Variants in PDHA1 observed in about 807,000 individuals in gnomAD.
The protein encoded by PDHA1 is pyruvate dehydrogenase E1 component subunit alpha, somatic form, mitochondrial.
Under a neutral mutation model 33.0 loss-of-function variants are expected in PDHA1, and 1 was observed. The observed-to-expected ratio is 0.03, with a 90% CI of 0.01 to 0.14. The LOEUF is 0.14. Among genes scored for constraint, PDHA1 ranks in the 10% least tolerant of loss-of-function variants. PDHA1 has a pLI of 1.00. For synonymous variants in PDHA1, 123 were observed against 119.2 expected (o/e 1.03, Z -0.21); for missense variants, 168 against 325.1 (o/e 0.52, Z 3.72).
chrX:19,360,044 C>T lies in PDHA1; in HGVS notation c.*391C>T, dbSNP rs765304960. On this transcript the variant is annotated 3_prime_UTR_variant, in exon 11 of 11. Coordinates refer to ENST00000422285, the MANE Select transcript of PDHA1 (RefSeq NM_000284.4). The stretch of plus-strand genomic sequence containing the variant: ...CAGCGCTGGTGCTGCAGCCTGTTCG[C>T]GCTGACCATTTCTCTACAAGATACA... The T allele has an allele frequency of 1.3e-4, 28 of 211,188 alleles. No homozygotes were observed. The highest frequency in any genetic ancestry group is 5.9e-4 in the South Asian group (10 of 16,822). The allele number at this position is 211,188 out of a possible 1,213,427, so 17.4% of individuals were successfully genotyped here.
At chrX:19,346,570 C>T (rs1487633428) in intron 1 of PDHA1, 1 of 806,465 alleles carries the variant, frequency 1.2e-6, no homozygotes, top group Non-Finnish European at 1.7e-6. Flanking sequence ...GCAGTCCTCC[C>T]ACCTCGGCCT....
rs753243729 is a variant in PDHA1, at chrX:19,361,548, T to C, written c.*1895T>C. On this transcript the variant is annotated 3_prime_UTR_variant, in exon 11 of 11. Transcript: ENST00000422285. The stretch of plus-strand genomic sequence containing the variant: ...CAGCCGCAACCAGTCTATAAGCTCT[T>C]TATCTGTTCTCTGCCCGTAGGGGCC... 5.8e-6 allele frequency: 7 copies of C among 1,210,320 alleles called. No individual in the cohort carries two copies. The South Asian group carries it at 1.2e-4, about 21-fold the overall frequency.
Position 19,361,388 on chromosome X carries a change from C to A in PDHA1, c.*1735C>A, listed in dbSNP as rs750874490. The A allele has an allele frequency of 2.5e-6, 3 of 1,208,573 alleles. No homozygotes were observed. In the South Asian group the frequency reaches 5.3e-5, roughly 21 times the overall value. ...TCCTTAGTGATCTCATTAAGAATAT[C>A]CGAAAGTGTATAACCCTCTTCAACA... is the stretch of plus-strand genomic sequence containing the variant. On this transcript the variant is annotated 3_prime_UTR_variant, in exon 11 of 11. Transcript: ENST00000422285.
At position 19,354,443 on chromosome X, in the gene PDHA1, C is replaced by G. The variant is rs187347500; in HGVS notation, c.511-48C>G. The G allele has an allele frequency of 9.4e-4, 693 of 739,413 alleles. 1 individual carries two copies. Among genetic ancestry groups the G allele is most frequent in the Middle Eastern group, 1.4e-3 (5 of 3,483 alleles). The allele number at this position is 739,413 out of a possible 1,213,427, so 60.9% of individuals were successfully genotyped here. A position where few individuals can be genotyped will look rare whatever the true frequency, so the allele number is the denominator to read the frequency against. On this transcript the variant is annotated intron_variant, in intron 5 of 10. Transcript: ENST00000422285. ...AAATGCAGGGCATTAATTAGTATCT[C>G]CCCTCATGGATTTCTGTGGTTCCTT...
rs1381469880 is a variant in PDHA1 at position 19,344,105 on chromosome X, C to T, written c.57+11C>T. 1 of 1,191,175 alleles carries T rather than the reference C, an allele frequency of 8.4e-7. No individual in the cohort carries two copies. Among genetic ancestry groups the T allele is most frequent in the South Asian group, 1.8e-5 (1 of 55,426 alleles). ...GCTTCTCAGAAGCCGGTGAGACCTCCCGGGCGGGCCGGGATGGGGCGCGAG... is the reference window on the plus strand; with the variant it reads ...GCTTCTCAGAAGCCGGTGAGACCTCTCGGGCGGGCCGGGATGGGGCGCGAG... On this transcript the variant is annotated intron_variant, in intron 1 of 10. Transcript: ENST00000422285.
At chrX:19,350,219 T>C (rs1292478471) in intron 3 of PDHA1, 109 bp downstream of exon 3, 3 of 599,076 alleles carry the variant, frequency 5.0e-6, no homozygotes, top group African/African-American at 2.2e-5. Flanking sequence ...AGGCTGGTAA[T>C]GTAATTTTCT....
chrX:19,360,085 C>T lies in PDHA1; in HGVS notation c.*432C>T, dbSNP rs754719295. 113 of 169,949 alleles carry T rather than the reference C, an allele frequency of 6.6e-4. No individual in the cohort carries two copies. The Middle Eastern group carries it at 9.7e-3, about 15-fold the overall frequency. 14.0% of individuals were successfully genotyped at this position (169,949 alleles called of 1,213,427 possible). A position where few individuals can be genotyped will look rare whatever the true frequency, so the allele number is the denominator to read the frequency against. On this transcript the variant is annotated 3_prime_UTR_variant, in exon 11 of 11. Transcript: ENST00000422285. ...ACAAGATACAATATTTATTATCAGG[C>T]AAGAGGACAGTTCCATTTTAAAATA...
chrX:19,355,196 C>A, intron 6 of PDHA1, 153 bp from the exon 7 acceptor site: 2 of 626,279 alleles, frequency 3.2e-6, no homozygotes, highest in South Asian at 2.3e-5. Context: ...ACCACCCACC[C>A]CGCTTTCCCT....
intron 2 of PDHA1, among the ~76,000 whole-genome samples, 197 bp from the exon 3 acceptor site, chrX:19,349,740 T>G (rs2063153546): frequency 1.8e-5 from 2 of 112,259 alleles, no homozygotes; most frequent in South Asian, 7.4e-4. Context: ...TAGAAAGATT[T>G]CCTTCCCCCA....
intron 6 of PDHA1, 82 bp from the exon 7 acceptor site, chrX:19,355,267 G>A: frequency 9.2e-7 from 1 of 1,081,875 alleles, no homozygotes; most frequent in Non-Finnish European, 1.3e-6. Flanking sequence ...AGCTTTCTGT[G>A]CCAGGCAGAG....
rs2063236869 is a variant in PDHA1 at position 19,359,168 on chromosome X, G to A, written c.1008+144G>A. On this transcript the variant is annotated intron_variant, in intron 10 of 10. Transcript: ENST00000422285. Reference sequence around the variant, plus strand: ...AGTTCCATAGTTCCAAAGTCCCTTGGGGTGGGGGCTTTTCCTTTAGTTTCC... The same window carrying A: ...AGTTCCATAGTTCCAAAGTCCCTTGAGGTGGGGGCTTTTCCTTTAGTTTCC... 1.2e-5 allele frequency: 6 copies of A among 482,282 alleles called. No homozygotes were observed. The East Asian group carries it at 2.2e-4, about 18-fold the overall frequency. The allele number at this position is 482,282 out of a possible 1,213,427, so 39.7% of individuals were successfully genotyped here. A position where few individuals can be genotyped will look rare whatever the true frequency, so the allele number is the denominator to read the frequency against.
intron 6 of PDHA1, among the ~76,000 whole-genome samples, chrX:19,354,888 G>C (rs2063185229): frequency 8.9e-6 from 1 of 112,505 alleles, no homozygotes; most frequent in Non-Finnish European, 1.9e-5. Flanking sequence ...CCATTCTCTT[G>C]GATGTCCGGG....
At position 19,352,128 on chromosome X, in the gene PDHA1, G is replaced by T. The variant is rs749205319; in HGVS notation, c.418+721G>T. On this transcript the variant is annotated intron_variant, in intron 4 of 10. Transcript: ENST00000422285. ...TTTTGTTTTTTTGAGACAGAGTCTCGCTTTGTTGCCCAGGCTGGAGTGCAG... is the reference window on the plus strand; with the variant it reads ...TTTTGTTTTTTTGAGACAGAGTCTCTCTTTGTTGCCCAGGCTGGAGTGCAG... 3.0e-3 allele frequency among the ~76,000 whole-genome samples: 333 copies of T among 109,721 alleles called. 1 individual carries two copies. The highest frequency in any genetic ancestry group is 5.3e-3 in the Non-Finnish European group (276 of 52,551).
chrX:19,359,473 G>GTTACCTAATTTTTAGGAAATTGATGT lies in PDHA1; in HGVS notation c.1009-15_1019dup. On this transcript the variant is annotated splice_polypyrimidine_tract_variant and intron_variant, in intron 10 of 10. Coordinates refer to ENST00000422285, the MANE Select transcript of PDHA1 (RefSeq NM_000284.4). Reference sequence around the variant, plus strand: ...TGTTCATTCTAAAACCTTTTACACTGTTACCTAATTTTTAGGAAATTGATG... The same window carrying GTTACCTAATTTTTAGGAAATTGATGT: ...TGTTCATTCTAAAACCTTTTACACTGTTACCTAATTTTTAGGAAATTGATGTTTACCTAATTTTTAGGAAATTGATG... 1 of 1,200,473 alleles carries GTTACCTAATTTTTAGGAAATTGATGT rather than the reference G, an allele frequency of 8.3e-7. No individual in the cohort carries two copies. Among genetic ancestry groups the GTTACCTAATTTTTAGGAAATTGATGT allele is most frequent in the African/African-American group, 1.7e-5 (1 of 57,426 alleles).
At chrX:19,354,752 G>A (rs964239259) in intron 6 of PDHA1, among the ~76,000 whole-genome samples, 169 bp downstream of exon 6, 4 of 112,837 alleles carry the variant, frequency 3.5e-5, no homozygotes, top group African/African-American at 9.6e-5. Context: ...ACCTCTTAGC[G>A]TTGTTTCACA....
rs1036409244 is a variant in PDHA1 at position 19,361,247 on chromosome X, G to C, written c.*1594G>C. The C allele has an allele frequency of 9.4e-6, 7 of 746,957 alleles. No individual in the cohort carries two copies. The highest frequency in any genetic ancestry group is 1.4e-5 in the Non-Finnish European group (7 of 515,745). 61.6% of individuals were successfully genotyped at this position (746,957 alleles called of 1,213,427 possible). On this transcript the variant is annotated 3_prime_UTR_variant, in exon 11 of 11. Transcript: ENST00000422285. ...GAACCTAATAGAACTCCAGAGTTTG[G>C]GGGGAGGCCCAGCCCTTTGTTTTCT...
At chrX:19,358,890 C>T (rs377027628) in intron 9 of PDHA1, 26 bp from the exon 10 acceptor site, 42 of 891,718 alleles carry the variant, frequency 4.7e-5, no homozygotes, top group East Asian at 1.2e-4. Flanking sequence ...TCTTACTGAT[C>T]GATTACTACT....
intron 1 of PDHA1, among the ~76,000 whole-genome samples, chrX:19,345,068 A>G (rs1305479550): frequency 9.0e-6 from 1 of 110,664 alleles, no homozygotes; most frequent in Non-Finnish European, 1.9e-5. Flanking sequence ...AGAGTTTAGC[A>G]CTATTTCATG....
At position 19,343,977 on chromosome X, in the gene PDHA1, G is replaced by C. The variant is rs1037786265; in HGVS notation, c.-61G>C. 79 of 1,074,773 alleles carry C rather than the reference G, an allele frequency of 7.4e-5. No individual in the cohort carries two copies. Among genetic ancestry groups the C allele is most frequent in the Non-Finnish European group, 9.9e-5 (77 of 776,815 alleles). 88.6% of individuals were successfully genotyped at this position (1,074,773 alleles called of 1,213,427 possible). ...TGGGGCACCTGAAGGAGACTTGGGG[G>C]CACCCGCGTCGTGCCTCCTGGGTTG... On this transcript the variant is annotated 5_prime_UTR_variant, in exon 1 of 11. Coordinates refer to ENST00000422285, the MANE Select transcript of PDHA1 (RefSeq NM_000284.4).
Sources: gnomAD v4.1 joint callset for allele counts (sites outside exome capture counted in the v4.1 genomes callset) on GRCh38, gnomAD v4.1.1 for gene constraint, MANE v1.5 for transcripts, NCBI Gene and HGNC (gene_info 2026-07-23, HGNC 2026-07-21) for gene names.